Variants in AP4E1 observed in about 807,000 individuals in gnomAD.
AP4E1 encodes the protein AP-4 complex subunit epsilon-1.
In AP4E1, 56 loss-of-function variants were observed where a neutral mutation model predicts 128.2. The observed-to-expected ratio is 0.44, with a 90% CI of 0.35 to 0.55. The LOEUF (loss-of-function observed/expected upper bound fraction) is 0.55. Ranked by LOEUF, AP4E1 falls within the 20% of genes least tolerant of loss-of-function variation. AP4E1 has a pLI of 0.00. For synonymous variants in AP4E1, 484 were observed against 473.1 expected (o/e 1.02, Z -0.30); for missense variants, 1,324 against 1,307.7 (o/e 1.01, Z -0.19).
At chr15:50,999,878 G>A (rs997434277) in intron 19 of AP4E1, among the ~76,000 whole-genome samples, 3 of 105,546 alleles carry the variant, frequency 2.8e-5, no homozygotes, top group Non-Finnish European at 5.5e-5. Flanking sequence ...ACAGTCCCCA[G>A]AGTGTGATGT....
rs190270448 is a variant in AP4E1, at chr15:50,939,705, G to A, written c.944-1737G>A. On this transcript the variant is annotated intron_variant, in intron 8 of 20. Transcript: ENST00000261842. ...ACTTTATGAGCATCTGAATATAAAC[G>A]TTTAAATTTTGGATGGGTAATGGCA... Among the ~76,000 whole-genome samples the A allele has an allele frequency of 6.3e-4, 96 of 152,112 alleles. 1 individual carries two copies. The highest frequency in any genetic ancestry group is 1.0e-4 in the Non-Finnish European group (7 of 68,000).
At chr15:50,977,712 T>TTTTGTTTG (rs1567250804) in intron 15 of AP4E1, among the ~76,000 whole-genome samples, 1 of 145,026 alleles carries the variant, frequency 6.9e-6, no homozygotes, top group Non-Finnish European at 1.5e-5. Flanking sequence ...TATGGTTTTT[T>TTTTGTTTG]TTTTTTTTTT....
At chr15:51,001,210 C>G (rs1555462988) in intron 20 of AP4E1, 27 bp downstream of exon 20, 1 of 1,601,934 alleles carries the variant, frequency 6.2e-7, no homozygotes, top group Non-Finnish European at 8.5e-7. Flanking sequence ...AAAGGCTATT[C>G]TGTGTTTATA....
At chr15:50,951,748 A>C (rs2064153648) in intron 13 of AP4E1, among the ~76,000 whole-genome samples, 1 of 126,066 alleles carries the variant, frequency 7.9e-6, no homozygotes. Context: ...TTTTTTTGAG[A>C]CAGAGTCTTT....
intron 15 of AP4E1, among the ~76,000 whole-genome samples, chr15:50,982,439 A>G (rs966737959): frequency 6.6e-6 from 1 of 152,210 alleles, no homozygotes; most frequent in Non-Finnish European, 1.5e-5. Flanking sequence ...GAGTTTTTTA[A>G]AAATGAGACT....
intron 10 of AP4E1, chr15:50,945,418 A>G: frequency 2.6e-6 from 2 of 778,134 alleles, no homozygotes; most frequent in South Asian, 1.3e-5. Flanking sequence ...GGAAGCTTTC[A>G]TTTTTACGGC....
chr15:50,940,343 ATTTT>A (rs577208335), intron 8 of AP4E1, among the ~76,000 whole-genome samples: 1 of 151,576 alleles, frequency 6.6e-6, no homozygotes, highest in African/African-American at 2.4e-5. Context: ...GAGGTTTAAA[ATTTT>A]TTTTTGTCTT....
rs1404315564 is a variant in AP4E1, at chr15:51,002,727, A to G, written c.*65A>G. 2.5e-6 allele frequency: 4 copies of G among 1,578,182 alleles called. No individual in the cohort carries two copies. Among genetic ancestry groups the G allele is most frequent in the Non-Finnish European group, 2.6e-6 (3 of 1,152,120 alleles). Reference sequence around the variant, plus strand: ...TTTACATAGATAAACTTATTTACCAAAGTAAAAAGAACTCATGGTACTTCT... The same window carrying G: ...TTTACATAGATAAACTTATTTACCAGAGTAAAAAGAACTCATGGTACTTCT... On this transcript the variant is annotated 3_prime_UTR_variant, in exon 21 of 21. Transcript: ENST00000261842.
At chr15:50,998,710 A>C (rs1003496183) in intron 18 of AP4E1, among the ~76,000 whole-genome samples, 2 of 152,168 alleles carry the variant, frequency 1.3e-5, no homozygotes, top group Non-Finnish European at 2.9e-5. Context: ...CCAAAGCTTG[A>C]GGGTAGAGAA....
intron 16 of AP4E1, among the ~76,000 whole-genome samples, chr15:50,985,798 T>C (rs1239442858): frequency 6.6e-6 from 1 of 152,226 alleles, no homozygotes; most frequent in Non-Finnish European, 1.5e-5. Flanking sequence ...ATGCGGGCTC[T>C]TTTTTGATTC....
intron 16 of AP4E1, 23 bp from the exon 17 acceptor site, chr15:50,993,347 G>A: frequency 6.2e-7 from 1 of 1,613,302 alleles, no homozygotes. Flanking sequence ...AAGTTGACTT[G>A]ATTTTATTAT....
At chr15:50,955,435 A>G (rs1596481960) in intron 13 of AP4E1, among the ~76,000 whole-genome samples, 1 of 152,112 alleles carries the variant, frequency 6.6e-6, no homozygotes, top group Admixed American at 6.5e-5. Context: ...ATGGCTGGTG[A>G]TGATCTATTT....
intron 13 of AP4E1, among the ~76,000 whole-genome samples, chr15:50,952,243 G>T (rs1394631284): frequency 1.3e-5 from 2 of 151,928 alleles, no homozygotes; most frequent in Non-Finnish European, 2.9e-5. Context: ...GGGCGCGGTG[G>T]CTCATGCCTG....
rs1037342805 is a variant in AP4E1 at position 50,949,948 on chromosome 15, C to G, written c.1429+10C>G. 8.7e-6 allele frequency: 14 copies of G among 1,601,026 alleles called. No homozygotes were observed. In the African/African-American group the frequency reaches 1.7e-4, roughly 20 times the overall value. ...AGACTACTAGCGGAAGGTTGGTACA[C>G]TATTATATTCTGTAAAGTAAACATT... On this transcript the variant is annotated intron_variant, in intron 12 of 20. Transcript: ENST00000261842.
rs1438519554 is a variant in AP4E1 at position 50,948,008 on chromosome 15, T to A, written c.1177-12T>A. ...TTTATAATATTGTTTTTAATTTTTC[T>A]TCTTTAAATAGACTCTGGAACTTCT... On this transcript the variant is annotated splice_polypyrimidine_tract_variant and intron_variant, in intron 10 of 20. Coordinates refer to ENST00000261842, the MANE Select transcript of AP4E1 (RefSeq NM_007347.5). The A allele has an allele frequency of 6.4e-7, 1 of 1,571,202 alleles. No homozygotes were observed. The highest frequency in any genetic ancestry group is 8.7e-7 in the Non-Finnish European group (1 of 1,143,524).
intron 17 of AP4E1, among the ~76,000 whole-genome samples, chr15:50,994,794 G>A (rs568597346): frequency 6.6e-6 from 1 of 152,268 alleles, no homozygotes; most frequent in Admixed American, 6.5e-5. Flanking sequence ...TATTTAACAA[G>A]TGCATAGCTT....
At chr15:50,959,211 CAAA>C (rs139389680) in intron 14 of AP4E1, among the ~76,000 whole-genome samples, 2 of 112,576 alleles carry the variant, frequency 1.8e-5, no homozygotes, top group Admixed American at 9.2e-5. Context: ...AACTCTGTCT[CAAA>C]AAAAAAAAAA....
At chr15:50,962,889 C>CAAAAAAA (rs71127168) in intron 14 of AP4E1, among the ~76,000 whole-genome samples, 10 of 38,714 alleles carry the variant, frequency 2.6e-4, no homozygotes, top group African/African-American at 6.9e-4. Context: ...AATTCAACAG[C>CAAAAAAA]AAAAAAAAAA....
At chr15:50,942,476 A>G (rs1312527470) in intron 10 of AP4E1, among the ~76,000 whole-genome samples, 1 of 151,768 alleles carries the variant, frequency 6.6e-6, no homozygotes, top group Non-Finnish European at 1.5e-5. Flanking sequence ...TCTCTTTTAT[A>G]TCTATAAAAT....
Sources: allele counts gnomAD v4.1 joint callset (sites outside exome capture counted in the v4.1 genomes callset), GRCh38; gene constraint gnomAD v4.1.1; transcripts MANE v1.5; gene names NCBI Gene and HGNC (gene_info 2026-07-23, HGNC 2026-07-21).